IL1RAPL2: variants seen among roughly 807,000 people sequenced by gnomAD.
IL1RAPL2 encodes the protein interleukin 1 receptor accessory protein like 2.
Under a neutral mutation model 44.1 loss-of-function variants are expected in IL1RAPL2, and 3 were observed. The observed-to-expected ratio is 0.07, with a 90% CI of 0.03 to 0.18. The LOEUF (loss-of-function observed/expected upper bound fraction) is 0.18. Among genes scored for constraint, IL1RAPL2 ranks in the 10% least tolerant of loss-of-function variants. IL1RAPL2 has a pLI of 1.00. For synonymous variants in IL1RAPL2, 181 were observed against 178.8 expected (o/e 1.01, Z -0.10); for missense variants, 391 against 496.4 (o/e 0.79, Z 2.02).
At chrX:105,678,491 C>A (rs1265738049) in intron 6 of IL1RAPL2, among the ~76,000 whole-genome samples, 1 of 110,453 alleles carries the variant, frequency 9.1e-6, no homozygotes, top group Non-Finnish European at 1.9e-5. Flanking sequence ...CCCATCCCCC[C>A]CAACCCTCAT....
intron 2 of IL1RAPL2, among the ~76,000 whole-genome samples, chrX:104,957,206 A>G (rs1370678914): frequency 8.9e-6 from 1 of 112,565 alleles, no homozygotes; most frequent in East Asian, 2.8e-4. Flanking sequence ...GGTGTATGCT[A>G]AAGAGTAGAG....
intron 1 of IL1RAPL2, among the ~76,000 whole-genome samples, chrX:104,615,989 C>CT (rs1216619921): frequency 4.5e-5 from 5 of 112,078 alleles, no homozygotes; most frequent in African/African-American, 6.5e-5. Flanking sequence ...TGATGTTGAG[C>CT]TTTTTTTCAT....
At chrX:105,238,611 A>G (rs782186413) in intron 4 of IL1RAPL2, among the ~76,000 whole-genome samples, 171 of 111,193 alleles carry the variant, frequency 1.5e-3, no homozygotes, top group Non-Finnish European at 2.5e-3. Context: ...GTTTCCTTAA[A>G]GTCTTAGTTT....
At chrX:104,647,714 G>T in intron 1 of IL1RAPL2, 1 of 546,788 alleles carries the variant, frequency 1.8e-6, no homozygotes, top group South Asian at 2.3e-5. Flanking sequence ...GACAGGCCAG[G>T]AGAGGATGTG....
intron 2 of IL1RAPL2, among the ~76,000 whole-genome samples, chrX:104,899,091 C>T (rs778316509): frequency 8.9e-6 from 1 of 111,920 alleles, no homozygotes; most frequent in Admixed American, 9.5e-5. Context: ...GACTATACAG[C>T]ACTACCTGAG....
intron 2 of IL1RAPL2, among the ~76,000 whole-genome samples, chrX:104,940,996 A>G (rs1289603267): frequency 2.8e-5 from 3 of 105,424 alleles, no homozygotes; most frequent in African/African-American, 6.9e-5. Context: ...CTGTCCTTGC[A>G]ATAGTTTGCT....
intron 2 of IL1RAPL2, among the ~76,000 whole-genome samples, chrX:105,041,129 G>A (rs1310718930): frequency 3.7e-5 from 4 of 108,176 alleles, no homozygotes; most frequent in African/African-American, 1.4e-4. Flanking sequence ...CCTTCATTTC[G>A]TTATGTACCC....
intron 7 of IL1RAPL2, among the ~76,000 whole-genome samples, chrX:105,718,155 C>T (rs1351903097): frequency 9.0e-6 from 1 of 111,595 alleles, no homozygotes; most frequent in Non-Finnish European, 1.9e-5. Context: ...TGTGAGGTTT[C>T]TCTTTGGTTT....
rs144175494 is a variant in IL1RAPL2 at position 105,195,709 on chromosome X, C to T, written c.317C>T (p.Ala106Val). 3,175 of 1,210,206 alleles carry T rather than the reference C, an allele frequency of 2.6e-3. 5 individuals carry two copies. The highest frequency in any genetic ancestry group is 3.3e-3 in the Non-Finnish European group (2,994 of 895,065). The change falls in exon 3 of 11, where the codon GCT (alanine) becomes GTT (valine). Residue 106 changes from alanine to valine, a missense_variant. Coordinates refer to ENST00000372582, the MANE Select transcript of IL1RAPL2 (RefSeq NM_017416.2). Reference protein sequence around the residue: ...KEEDSIWFHSAEAQDSGFYTC... With the variant: ...KEEDSIWFHSVEAQDSGFYTC... ...GAAGATTCAATATGGTTTCACTCAG[C>T]TGAGGCACAAGACAGTGGATTCTAC...
At chrX:104,604,169 A>G (rs976431359) in intron 1 of IL1RAPL2, among the ~76,000 whole-genome samples, 11 of 112,128 alleles carry the variant, frequency 9.8e-5, no homozygotes, top group African/African-American at 3.6e-4. Flanking sequence ...CTTAAAGAAA[A>G]TAAATTTCAA....
chrX:105,555,170 T>G (rs1404894370), intron 6 of IL1RAPL2, among the ~76,000 whole-genome samples: 3 of 109,463 alleles, frequency 2.7e-5, no homozygotes, highest in African/African-American at 1.0e-4. Flanking sequence ...CCAGGCAGAT[T>G]TATTTCTATT....
chrX:105,718,020 G>A (rs1032525327), intron 7 of IL1RAPL2, among the ~76,000 whole-genome samples: 3 of 111,971 alleles, frequency 2.7e-5, no homozygotes, highest in Non-Finnish European at 3.8e-5. Context: ...TCACTCTCCT[G>A]TTACACAAAT....
chrX:104,766,699 G>A (rs1041275653), intron 2 of IL1RAPL2, among the ~76,000 whole-genome samples: 1 of 112,224 alleles, frequency 8.9e-6, no homozygotes, highest in African/African-American at 3.2e-5. Flanking sequence ...CTAGTAAATG[G>A]TGTAGCCAAG....
chrX:104,935,692 AC>A (rs1925008106), intron 2 of IL1RAPL2, among the ~76,000 whole-genome samples: 2 of 112,097 alleles, frequency 1.8e-5, no homozygotes, highest in Non-Finnish European at 3.8e-5. Flanking sequence ...AGTGTGCCAT[AC>A]TTGCAGAGCC....
chrX:104,630,150 A>T (rs1362111174), intron 1 of IL1RAPL2, among the ~76,000 whole-genome samples: 2 of 88,510 alleles, frequency 2.3e-5, no homozygotes, highest in Admixed American at 1.3e-4. Context: ...CACCTGGATA[A>T]TTTTTTTTTT....
At chrX:105,665,728 TTTTTTGTTTTTTTG>T (rs1569463212) in intron 6 of IL1RAPL2, among the ~76,000 whole-genome samples, 1 of 78,363 alleles carries the variant, frequency 1.3e-5, no homozygotes, top group Non-Finnish European at 2.5e-5. Context: ...TTATTTTTGT[TTTTTTGTTTTTTTG>T]TTTTTTTTTT....
rs753853748 is a variant in IL1RAPL2 at position 105,710,634 on chromosome X, T to A, written c.773-6733T>A. ...TCACTCTGAAATGTCAAACTTCTTTTTTTTAGTAGATTAAACACTGTACTA... is the reference window on the plus strand; with the variant it reads ...TCACTCTGAAATGTCAAACTTCTTTATTTTAGTAGATTAAACACTGTACTA... On this transcript the variant is annotated intron_variant, in intron 6 of 10. Transcript: ENST00000372582. 5.4e-5 allele frequency among the ~76,000 whole-genome samples: 6 copies of A among 110,381 alleles called. No individual in the cohort carries two copies. In the South Asian group the frequency reaches 2.3e-3, roughly 42 times the overall value.
At chrX:105,618,185 A>T (rs1189803115) in intron 6 of IL1RAPL2, among the ~76,000 whole-genome samples, 2 of 108,872 alleles carry the variant, frequency 1.8e-5, no homozygotes, top group African/African-American at 6.7e-5. Context: ...GGCAGAAAGA[A>T]CAAGCAGAGG....
intron 6 of IL1RAPL2, among the ~76,000 whole-genome samples, chrX:105,549,148 CA>C (rs1169654539): frequency 9.0e-6 from 1 of 111,569 alleles, no homozygotes; most frequent in Admixed American, 9.5e-5. Flanking sequence ...TCCTGATGTG[CA>C]CAGATGAGGT....
Sources: gnomAD v4.1 joint callset for allele counts (sites outside exome capture counted in the v4.1 genomes callset) on GRCh38, gnomAD v4.1.1 for gene constraint, MANE v1.5 for transcripts, NCBI Gene and HGNC (gene_info 2026-07-23, HGNC 2026-07-21) for gene names.